Variants in ZSCAN21 observed in about 807,000 individuals in gnomAD.
The protein encoded by ZSCAN21 is zinc finger and SCAN domain containing 21.
Under a neutral mutation model 35.6 loss-of-function variants are expected in ZSCAN21, and 26 were observed. The observed-to-expected ratio is 0.73, with a 90% CI of 0.54 to 1.01. ZSCAN21 has a LOEUF of 1.01. ZSCAN21 is among the 50% of genes least tolerant of loss of function. The pLI, the probability that ZSCAN21 is intolerant of heterozygous loss-of-function variation, is 0.00. For synonymous variants in ZSCAN21, 219 were observed against 219.3 expected, an observed-to-expected ratio of 1.00 and a Z score of 0.01; for missense variants, 593 against 587.1, an observed-to-expected ratio of 1.01 and a Z score of -0.10.
Position 100,057,427 on chromosome 7 carries a change from T to C in ZSCAN21, c.399+22T>C, listed in dbSNP as rs2116105499. 2.6e-6 allele frequency: 4 copies of C among 1,519,358 alleles called. No homozygotes were observed. In the South Asian group the frequency reaches 5.3e-5, roughly 20 times the overall value. The allele number at this position is 1,519,358 out of a possible 1,614,324, so 94.1% of individuals were successfully genotyped here. Reference sequence around the variant, plus strand: ...CCAGGTAGGCAGGAGAGACCTTTGTTATTCTAGGAGATTGGGAGCGTAACA... The same window carrying C: ...CCAGGTAGGCAGGAGAGACCTTTGTCATTCTAGGAGATTGGGAGCGTAACA... On this transcript the variant is annotated intron_variant, in intron 2 of 3. Coordinates refer to ENST00000292450, the MANE Select transcript of ZSCAN21 (RefSeq NM_145914.3).
Position 100,063,814 on chromosome 7 carries a change from G to C in ZSCAN21, c.619G>C (p.Glu207Gln), listed in dbSNP as rs1562850353. 1 of 1,611,678 alleles carries C rather than the reference G, an allele frequency of 6.2e-7. No homozygotes were observed. Among genetic ancestry groups the C allele is most frequent in the East Asian group, 2.2e-5 (1 of 44,870 alleles). ...RDCRLSTQHE[E>Q]SADEQKGSEA... ...TTGCAGATTGAGTACCCAGCACGAG[G>C]AATCAGCAGATGAGCAGAAAGGTTC... The change falls in exon 4 of 4, where the codon GAA becomes CAA. Residue 207 changes from glutamate to glutamine, a missense_variant. Physicochemically the swap from Glu to Gln is conservative, Grantham distance 29. Transcript: ENST00000292450.
intron 3 of ZSCAN21, among the ~76,000 whole-genome samples, chr7:100,061,616 A>C (rs1010720197): frequency 7.9e-5 from 12 of 152,292 alleles, no homozygotes; most frequent in Non-Finnish European, 1.6e-4. Context: ...TAGGCAAGCG[A>C]TTGCTAATTA....
chr7:100,054,879 T>A (rs574850764), intron 1 of ZSCAN21, among the ~76,000 whole-genome samples: 4 of 150,802 alleles, frequency 2.7e-5, no homozygotes, highest in Admixed American at 1.3e-4. Context: ...AAGCCTTAAT[T>A]TCATAACTAT....
intron 3 of ZSCAN21, among the ~76,000 whole-genome samples, chr7:100,061,745 G>A (rs996604192): frequency 2.0e-5 from 3 of 152,218 alleles, no homozygotes; most frequent in Admixed American, 6.5e-5. Context: ...AGACAGCTGG[G>A]CAGAGAGAGA....
chr7:100,053,665 T>A (rs371116568), intron 1 of ZSCAN21, among the ~76,000 whole-genome samples: 90 of 150,224 alleles, frequency 6.0e-4, no homozygotes, highest in African/African-American at 2.2e-3. Flanking sequence ...ATTCCCTGCC[T>A]CAGCCTCCCA....
In ZSCAN21 at chr7:100,059,516, A is replaced by C. The variant is rs202168625; in HGVS notation, c.592+1626A>C. On this transcript the variant is annotated intron_variant, in intron 3 of 3. Transcript: ENST00000292450. ...ACAAAGCTGCTGGGCCCTCCTAAGG[A>C]AAGGGAAGTTGGCTGTGAAAGCTTT... is the stretch of plus-strand genomic sequence containing the variant. 7.9e-5 allele frequency among the ~76,000 whole-genome samples: 12 copies of C among 151,706 alleles called. No individual in the cohort carries two copies. In the East Asian group the frequency reaches 2.3e-3, roughly 29 times the overall value.
In ZSCAN21 at chr7:100,055,833, A is replaced by G. The variant is rs535176676; in HGVS notation, c.-96-1078A>G. Among the ~76,000 whole-genome samples, 9 of 149,962 alleles carry G rather than the reference A, an allele frequency of 6.0e-5. No individual in the cohort carries two copies. The East Asian group carries it at 1.6e-3, about 27-fold the overall frequency. On this transcript the variant is annotated intron_variant, in intron 1 of 3. Transcript: ENST00000292450. ...TTTTTTTTGTATTTTTAGTAGAAACAGGGTTTCACCATGTTAGCCAGGATG... is the reference window on the plus strand; with the variant it reads ...TTTTTTTTGTATTTTTAGTAGAAACGGGGTTTCACCATGTTAGCCAGGATG...
intron 1 of ZSCAN21, 130 bp downstream of exon 1, chr7:100,049,971 C>T (rs563330491): frequency 2.0e-5 from 3 of 152,444 alleles, no homozygotes; most frequent in African/African-American, 7.2e-5. Flanking sequence ...CCTAGCAGGG[C>T]TGTGGGGAGG....
Position 100,064,800 on chromosome 7 carries a change from A to C in ZSCAN21, c.*183A>C. The C allele has an allele frequency of 6.2e-7, 1 of 1,614,180 alleles. No individual in the cohort carries two copies. Among genetic ancestry groups the C allele is most frequent in the Non-Finnish European group, 8.5e-7 (1 of 1,180,026 alleles). The stretch of plus-strand genomic sequence containing the variant: ...AGGCAGGAGGTCCTCAGAAGGTGTC[A>C]GGAGGTTCCACACTCGCCAGTTCAC... On this transcript the variant is annotated 3_prime_UTR_variant, in exon 4 of 4. Transcript: ENST00000292450.
At position 100,063,942 on chromosome 7, in the gene ZSCAN21, A is replaced by C. The variant is rs766811625; in HGVS notation, c.747A>C (p.Gly249=). Reference sequence around the variant, plus strand: ...GCGTAAACCTTGAAAATGAAAAAGGAACAAAACCCCCTCTTCAAGAGGCAG... The same window carrying C: ...GCGTAAACCTTGAAAATGAAAAAGGCACAAAACCCCCTCTTCAAGAGGCAG... ...RQCVNLENEK[G]TKPPLQEAGS... is the part of the protein sequence containing the mutation. The change falls in exon 4 of 4, where the codon GGA becomes GGC. Residue 249 remains glycine (G), a synonymous_variant. Transcript: ENST00000292450. The C allele has an allele frequency of 3.1e-6, 5 of 1,614,164 alleles. No homozygotes were observed. Among genetic ancestry groups the C allele is most frequent in the Non-Finnish European group, 4.2e-6 (5 of 1,180,040 alleles).
intron 1 of ZSCAN21, among the ~76,000 whole-genome samples, chr7:100,051,178 CA>C (rs369246193): frequency 3.4e-3 from 139 of 41,352 alleles, no homozygotes; most frequent in African/African-American, 5.2e-3. Context: ...AACTACGTCT[CA>C]AAAAAAAAAA....
chr7:100,053,048 C>T (rs1265666090), intron 1 of ZSCAN21, among the ~76,000 whole-genome samples: 1 of 151,250 alleles, frequency 6.6e-6, no homozygotes, highest in Non-Finnish European at 1.5e-5. Context: ...ATAACTTGAA[C>T]TCGGGAGGCG....
At position 100,057,072 on chromosome 7, in the gene ZSCAN21, G is replaced by C; in HGVS notation, c.66G>C (p.Gly22=). Residue 22 remains glycine (G), a synonymous_variant, in exon 2 of 4, where the codon GGG becomes GGC. Coordinates refer to ENST00000292450, the MANE Select transcript of ZSCAN21 (RefSeq NM_145914.3). Reference sequence around the variant, plus strand: ...CTAGGCCTCCACAGGAGCAGGTGGGGCCTCTGATGGTAAAAGTCGAGGAGA... The same window carrying C: ...CTAGGCCTCCACAGGAGCAGGTGGGCCCTCTGATGGTAAAAGTCGAGGAGA... ...LGPRPPQEQV[G]PLMVKVEEKE... The C allele has an allele frequency of 6.2e-7, 1 of 1,614,122 alleles. No homozygotes were observed. Among genetic ancestry groups the C allele is most frequent in the Non-Finnish European group, 8.5e-7 (1 of 1,180,024 alleles).
intron 3 of ZSCAN21, among the ~76,000 whole-genome samples, chr7:100,060,007 C>G (rs949154445): frequency 3.3e-5 from 5 of 152,026 alleles, no homozygotes; most frequent in African/African-American, 1.2e-4. Flanking sequence ...CACGCCCAGC[C>G]AAGAAACTGT....
At chr7:100,061,599 CTG>C (rs753137706) in intron 3 of ZSCAN21, among the ~76,000 whole-genome samples, 4 of 152,206 alleles carry the variant, frequency 2.6e-5, no homozygotes, top group Non-Finnish European at 5.9e-5. Flanking sequence ...GAAGAGAAGT[CTG>C]TGTGTAGGCA....
At chr7:100,060,322 GGGAGGCCGA>G (rs1792234969) in intron 3 of ZSCAN21, among the ~76,000 whole-genome samples, 1 of 152,080 alleles carries the variant, frequency 6.6e-6, no homozygotes, top group African/African-American at 2.4e-5. Flanking sequence ...CCAGCACTTT[GGGAGGCCGA>G]GGAGGGCGGA....
At chr7:100,056,506 G>T (rs1305499636) in intron 1 of ZSCAN21, among the ~76,000 whole-genome samples, 1 of 151,234 alleles carries the variant, frequency 6.6e-6, no homozygotes, top group Non-Finnish European at 1.5e-5. Flanking sequence ...GCTCTGTTGC[G>T]CAGGCTGGAA....
chr7:100,052,478 G>T (rs1167173869), intron 1 of ZSCAN21, among the ~76,000 whole-genome samples: 1 of 152,006 alleles, frequency 6.6e-6, no homozygotes, highest in Non-Finnish European at 1.5e-5. Context: ...GAGGATTCGG[G>T]ATGACCCCAG....
Position 100,057,750 on chromosome 7 carries a change from C to T in ZSCAN21, c.452C>T (p.Ser151Leu). ...CCGGTGTGGGAGAAGATATCCTCCT[C>T]AGGAACTGCAAAGGAATCCCCGAGC... Reference protein sequence around the residue: ...QKPVWEKISSSGTAKESPSSM... With the variant: ...QKPVWEKISSLGTAKESPSSM... The change falls in exon 3 of 4, where the codon TCA (serine) becomes TTA (leucine). Residue 151 changes from serine to leucine, a missense_variant. Ser to Leu is a moderately radical substitution (Grantham distance 145). Transcript: ENST00000292450. 1 of 1,613,996 alleles carries T rather than the reference C, an allele frequency of 6.2e-7. No homozygotes were observed. Among genetic ancestry groups the T allele is most frequent in the Non-Finnish European group, 8.5e-7 (1 of 1,179,982 alleles).
Sources: gnomAD v4.1 joint callset for allele counts (sites outside exome capture counted in the v4.1 genomes callset) on GRCh38, gnomAD v4.1.1 for gene constraint, MANE v1.5 for transcripts, NCBI Gene and HGNC (gene_info 2026-07-23, HGNC 2026-07-21) for gene names.